AOPEP: variants seen among roughly 807,000 people sequenced by gnomAD.
AOPEP encodes aminopeptidase O (putative), also known as aminopeptidase O.
A neutral mutation model predicts 98.1 loss-of-function variants in AOPEP; 77 were observed. That is an observed-to-expected ratio of 0.78 (90% CI 0.65 to 0.95). The LOEUF (loss-of-function observed/expected upper bound fraction) is 0.95, where lower values mean the gene tolerates loss of function less well. Among genes scored for constraint, AOPEP ranks in the 40% least tolerant of loss-of-function variants. The pLI is 0.00. For missense variants in AOPEP, 1,024 were observed against 1,024.7 expected, an observed-to-expected ratio of 1.00 and a Z score of 0.01; for synonymous variants, 346 against 365.3, an observed-to-expected ratio of 0.95 and a Z score of 0.60.
intron 7 of AOPEP, among the ~76,000 whole-genome samples, chr9:94,954,884 T>C (rs2058348794): frequency 6.6e-6 from 1 of 152,198 alleles, no homozygotes; most frequent in African/African-American, 2.4e-5. Flanking sequence ...CAAAAAAGGG[T>C]ATACGTTCTT....
chr9:94,784,996 C>T (rs1338555008), intron 3 of AOPEP, among the ~76,000 whole-genome samples: 1 of 151,938 alleles, frequency 6.6e-6, no homozygotes, highest in Non-Finnish European at 1.5e-5. Context: ...TGCAATGGCA[C>T]GATCTCAGCA....
At chr9:94,896,349 A>G (rs1007747346) in intron 5 of AOPEP, among the ~76,000 whole-genome samples, 3 of 152,218 alleles carry the variant, frequency 2.0e-5, no homozygotes, top group Non-Finnish European at 2.9e-5. Context: ...CTGAATTCCA[A>G]ATACTGCATG....
At chr9:94,947,401 C>T (rs2057756727) in intron 7 of AOPEP, among the ~76,000 whole-genome samples, 1 of 152,164 alleles carries the variant, frequency 6.6e-6, no homozygotes, top group African/African-American at 2.4e-5. Flanking sequence ...CCTCAGCCTC[C>T]TGAGTAGCTG....
intron 14 of AOPEP, among the ~76,000 whole-genome samples, chr9:95,079,997 A>C (rs2134211469): frequency 6.6e-6 from 1 of 152,316 alleles, no homozygotes; most frequent in South Asian, 2.1e-4. Flanking sequence ...CACTGAGTCA[A>C]ATCTGCTGCA....
At chr9:95,016,141 TTC>T (rs2062968203) in intron 13 of AOPEP, among the ~76,000 whole-genome samples, 2 of 151,486 alleles carry the variant, frequency 1.3e-5, no homozygotes, top group South Asian at 2.1e-4. Context: ...TTTTTTTTTT[TTC>T]CCCCCACGGT....
chr9:94,919,529 C>T (rs1373374153), intron 5 of AOPEP, among the ~76,000 whole-genome samples: 1 of 152,086 alleles, frequency 6.6e-6, no homozygotes, highest in African/African-American at 2.4e-5. Context: ...TAGGCTGCGT[C>T]CAGGAGAGAG....
Position 94,854,652 on chromosome 9 carries a change from A to G in AOPEP, c.1364+53650A>G, listed in dbSNP as rs1457032329. Among the ~76,000 whole-genome samples the G allele has an allele frequency of 2.6e-5, 4 of 152,240 alleles. No homozygotes were observed. In the South Asian group the frequency reaches 6.2e-4, roughly 24 times the overall value. On this transcript the variant is annotated intron_variant, in intron 5 of 16. Transcript: ENST00000375315. ...TAAAACGACATCCAAATGCTAAAACATGCTTGCTAACTGCAACCAAAAGCA... is the reference window on the plus strand; with the variant it reads ...TAAAACGACATCCAAATGCTAAAACGTGCTTGCTAACTGCAACCAAAAGCA...
intron 2 of AOPEP, among the ~76,000 whole-genome samples, chr9:94,765,874 C>T (rs1839497832): frequency 6.6e-6 from 1 of 152,128 alleles, no homozygotes; most frequent in Non-Finnish European, 1.5e-5. Context: ...AACCTAAATG[C>T]TTCTTGCCTG....
intron 3 of AOPEP, among the ~76,000 whole-genome samples, chr9:94,786,457 A>G (rs1564132161): frequency 6.6e-6 from 1 of 152,180 alleles, no homozygotes; most frequent in African/African-American, 2.4e-5. Flanking sequence ...CAAACAATAG[A>G]CAATCCTGAA....
intron 9 of AOPEP, among the ~76,000 whole-genome samples, chr9:94,962,802 G>A (rs577945720): frequency 2.2e-4 from 33 of 147,060 alleles, no homozygotes; most frequent in Non-Finnish European, 3.6e-4. Context: ...GCGTGATCTC[G>A]GCTCACTGCA....
chr9:94,788,356 C>T (rs758626088), intron 3 of AOPEP, among the ~76,000 whole-genome samples: 8 of 152,128 alleles, frequency 5.3e-5, no homozygotes, highest in Non-Finnish European at 8.8e-5. Context: ...TAGGATCACA[C>T]CACATCCGGC....
the AOPEP span, among the ~76,000 whole-genome samples, chr9:95,144,451 G>A: frequency 9.2e-5 from 14 of 152,338 alleles, no homozygotes; most frequent in East Asian, 2.7e-3. Context: ...CCTGCTTGGG[G>A]AGCCGCTGCC....
the AOPEP span, among the ~76,000 whole-genome samples, chr9:95,133,377 T>G: frequency 1.3e-5 from 2 of 152,250 alleles, no homozygotes; most frequent in Admixed American, 6.5e-5. Flanking sequence ...AGAATCCCCC[T>G]TTAGCCATAA....
intron 13 of AOPEP, 146 bp downstream of exon 13, chr9:95,005,762 A>G (rs1352324295): frequency 1.2e-5 from 8 of 673,046 alleles, no homozygotes; most frequent in Non-Finnish European, 2.1e-5. Flanking sequence ...GGGAAATTCT[A>G]CAGAAATATT....
chr9:94,741,333 T>C (rs113601398), intron 1 of AOPEP, among the ~76,000 whole-genome samples: 3,690 of 151,822 alleles, frequency 0.024, 148 homozygotes, highest in African/African-American at 0.083. Context: ...AGTGCAGTGG[T>C]GCGATCTCGG....
At chr9:95,108,314 C>A in the AOPEP span, among the ~76,000 whole-genome samples, 4 of 152,242 alleles carry the variant, frequency 2.6e-5, no homozygotes, top group East Asian at 3.9e-4. Context: ...ACTCTCCCCA[C>A]CTCGCCCCTC....
chr9:94,885,498 A>G (rs1481039045), intron 5 of AOPEP, among the ~76,000 whole-genome samples: 1 of 151,908 alleles, frequency 6.6e-6, no homozygotes, highest in Non-Finnish European at 1.5e-5. Flanking sequence ...AGGAATACAC[A>G]CAGGAAGTTT....
chr9:94,728,271 A>ACACACACACACACACACC (rs1554690343), intron 1 of AOPEP, among the ~76,000 whole-genome samples: 2 of 151,444 alleles, frequency 1.3e-5, no homozygotes, highest in Admixed American at 6.6e-5. Flanking sequence ...ACACACACAC[A>ACACACACACACACACACC]CCATCCTTAT....
intron 5 of AOPEP, among the ~76,000 whole-genome samples, chr9:94,857,048 A>T (rs911093013): frequency 1.3e-5 from 2 of 152,228 alleles, no homozygotes; most frequent in African/African-American, 4.8e-5. Context: ...TGCTCTGGAC[A>T]TATTATTGTA....
Sources: allele counts gnomAD v4.1 joint callset (sites outside exome capture counted in the v4.1 genomes callset), GRCh38; gene constraint gnomAD v4.1.1; transcripts MANE v1.5; gene names NCBI Gene and HGNC (gene_info 2026-07-23, HGNC 2026-07-21).